The following WDR4 variants were observed in gnomAD, a reference collection of about 807,000 sequenced individuals.
WDR4 encodes the protein tRNA (guanine-N(7)-)-methyltransferase non-catalytic subunit WDR4.
A neutral mutation model predicts 48.6 loss-of-function variants in WDR4; 47 were observed. That is an observed-to-expected ratio of 0.97 (90% confidence interval 0.77 to 1.23). WDR4 has a LOEUF of 1.23. WDR4 is among the 50% of genes most tolerant of loss of function. The pLI is 0.00. For synonymous variants in WDR4, 268 were observed against 230.0 expected (o/e 1.17, Z -1.49); for missense variants, 606 against 551.6 (o/e 1.10, Z -0.99).
chr21:42,872,793 C>G (rs2058402102), intron 3 of WDR4, among the ~76,000 whole-genome samples: 1 of 151,848 alleles, frequency 6.6e-6, no homozygotes, highest in African/African-American at 2.4e-5. Context: ...AAAAATTAGC[C>G]GGGCATGGTG....
the WDR4 span, among the ~76,000 whole-genome samples, chr21:42,885,247 TCTC>T: frequency 1.3e-5 from 2 of 151,936 alleles, no homozygotes; most frequent in Non-Finnish European, 2.9e-5. Flanking sequence ...TTTTCCCCCT[TCTC>T]CTCCTCTCTT....
chr21:42,879,331 G>A (rs1008060507), intron 1 of WDR4, 76 bp downstream of exon 1: 33 of 1,569,150 alleles, frequency 2.1e-5, no homozygotes, highest in Middle Eastern at 1.9e-4. Context: ...CAGGCGGTGC[G>A]GGAGAAGCGG....
intron 1 of WDR4, 140 bp downstream of exon 1, chr21:42,879,267 A>G (rs2058574827): frequency 2.2e-6 from 3 of 1,374,500 alleles, no homozygotes; most frequent in East Asian, 5.7e-5. Context: ...ACTGCGGCGG[A>G]GGACTCGTGG....
downstream of WDR4, among the ~76,000 whole-genome samples, chr21:42,844,226 A>T (rs148422426): frequency 4.8e-3 from 732 of 152,334 alleles, 5 homozygotes; most frequent in Middle Eastern, 0.01. Flanking sequence ...GCAGGGGAAG[A>T]GACCGAATAG....
At chr21:42,855,816 G>A (rs1404197930) in intron 6 of WDR4, 36 bp from the exon 7 acceptor site, 3 of 1,488,884 alleles carry the variant, frequency 2.0e-6, no homozygotes, top group Non-Finnish European at 2.7e-6. Context: ...GCACATGGTT[G>A]TGGGGCTTCC....
At position 42,862,396 on chromosome 21, in the gene WDR4, T is replaced by C. The variant is rs779449710; in HGVS notation, c.454-2A>G. On this transcript the variant is annotated splice_acceptor_variant, in intron 4 of 10. Transcript: ENST00000398208. LOFTEE classifies it high-confidence loss of function. This position sits in a 1 kb window ranked among gnomAD's most constrained non-coding sequence, Gnocchi z 4.3. ...GAAGCGGTCATCAGGACTCACAGCC[T>C]GCATCACCAGGGGCCAGAAAAGAAA... 1.2e-6 allele frequency: 2 copies of C among 1,600,406 alleles called. No homozygotes were observed. The highest frequency in any genetic ancestry group is 1.3e-5 in the African/African-American group (1 of 74,640).
chr21:42,892,762 G>A, the WDR4 span, among the ~76,000 whole-genome samples: 14 of 152,354 alleles, frequency 9.2e-5, no homozygotes, highest in African/African-American at 3.4e-4. Flanking sequence ...TGGTATTAGC[G>A]TTGGCAGGGG....
rs200776432 is a variant in WDR4 at position 42,863,517 on chromosome 21, C to T, written c.376G>A (p.Val126Ile). The change falls in exon 4 of 11, where the codon GTC becomes ATC. Residue 126 changes from valine to isoleucine, a missense_variant. Val to Ile is a conservative substitution (Grantham distance 29, BLOSUM62 3). Transcript: ENST00000398208. ...GGCTCCAGCACCGAAAAGGAGTAGA[C>T]GTCTCCAGACTTGTCGGCCACCAAG... ...KVLVADKSGDVYSFSVLEPHG... is the reference protein window; with the variant it reads ...KVLVADKSGDIYSFSVLEPHG... 1.1e-5 allele frequency: 18 copies of T among 1,613,888 alleles called. No individual in the cohort carries two copies. The highest frequency in any genetic ancestry group is 5.5e-5 in the South Asian group (5 of 91,070).
chr21:42,850,667 G>A (rs2057802050), intron 10 of WDR4, among the ~76,000 whole-genome samples: 1 of 152,184 alleles, frequency 6.6e-6, no homozygotes, highest in African/African-American at 2.4e-5. Flanking sequence ...GTGAAGTCGG[G>A]CCCTGCCTGG....
At chr21:42,876,371 G>A (rs750799298) in intron 2 of WDR4, among the ~76,000 whole-genome samples, 8 of 151,612 alleles carry the variant, frequency 5.3e-5, no homozygotes, top group Non-Finnish European at 7.4e-5. Flanking sequence ...CTGCCACCAC[G>A]CCCAGCTAAC....
intron 1 of WDR4, chr21:42,879,101 C>A (rs1002751311): frequency 3.4e-6 from 4 of 1,187,792 alleles, no homozygotes; most frequent in African/African-American, 1.6e-5. Flanking sequence ...TCCCCGCCGG[C>A]GCCGCGGAGA....
At chr21:42,855,336 C>T (rs1281951012) in intron 7 of WDR4, among the ~76,000 whole-genome samples, 1 of 152,138 alleles carries the variant, frequency 6.6e-6, no homozygotes, top group Non-Finnish European at 1.5e-5. Flanking sequence ...TGAGATTGCT[C>T]CAAGCTGGCC....
chr21:42,859,577 A>AGGGGCCAGCGATCCACG, intron 6 of WDR4, 85 bp downstream of exon 6: 4 of 1,374,432 alleles, frequency 2.9e-6, no homozygotes, highest in Non-Finnish European at 3.0e-6. Flanking sequence ...AGCGATCCAC[A>AGGGGCCAGCGATCCACG]GGGGCCAGGT....
chr21:42,872,211 T>C (rs1162719468), intron 3 of WDR4, among the ~76,000 whole-genome samples: 1 of 151,876 alleles, frequency 6.6e-6, no homozygotes, highest in African/African-American at 2.4e-5. Flanking sequence ...CTCGAACTCC[T>C]AATCTCAGGT....
At chr21:42,865,338 G>C (rs73231699) in intron 3 of WDR4, among the ~76,000 whole-genome samples, 1,994 of 152,294 alleles carry the variant, frequency 0.013, 19 homozygotes, top group South Asian at 0.044. Context: ...ATGTCCGATG[G>C]GCTCATTAAG....
the WDR4 span, among the ~76,000 whole-genome samples, chr21:42,891,773 A>G: frequency 6.6e-6 from 1 of 151,878 alleles, no homozygotes; most frequent in Non-Finnish European, 1.5e-5. Context: ...TCTGGCCAAC[A>G]TGGTGAAACC....
Position 42,876,411 on chromosome 21 carries a change from G to A in WDR4, c.155+291C>T, listed in dbSNP as rs144597113. 3.2e-3 allele frequency among the ~76,000 whole-genome samples: 484 copies of A among 151,932 alleles called. 2 individuals carry two copies. The highest frequency in any genetic ancestry group is 0.011 in the African/African-American group (435 of 41,398). On this transcript the variant is annotated intron_variant, in intron 2 of 10. Transcript: ENST00000398208. ...TTATTTTTAGTAGAGACAGGGTTTC[G>A]CCATGTTGGCCAGGATGGTCTGGAA...
At chr21:42,856,396 T>A (rs1034926750) in intron 6 of WDR4, among the ~76,000 whole-genome samples, 10 of 152,174 alleles carry the variant, frequency 6.6e-5, no homozygotes, top group Non-Finnish European at 1.5e-5. Context: ...CTGTTGTTAT[T>A]TTTTTGTTGT....
upstream of WDR4, among the ~76,000 whole-genome samples, chr21:42,880,966 G>A (rs2058604070): frequency 6.8e-6 from 1 of 147,196 alleles, no homozygotes; most frequent in Non-Finnish European, 1.5e-5. Flanking sequence ...GTCTCGCTCT[G>A]TCGCCCAGGC....
Sources: gnomAD v4.1 joint callset for allele counts (sites outside exome capture counted in the v4.1 genomes callset) on GRCh38, gnomAD v4.1.1 for gene constraint, Gnocchi (gnomAD v3.1) non-coding constraint, MANE v1.5 for transcripts, NCBI Gene and HGNC (gene_info 2026-07-23, HGNC 2026-07-21) for gene names.